The following MACROD2 variants were observed in gnomAD, a reference collection of about 807,000 sequenced individuals.
The protein encoded by MACROD2 is ADP-ribose glycohydrolase MACROD2.
In MACROD2, 36 loss-of-function variants were observed where a neutral mutation model predicts 70.4. That is an observed-to-expected ratio of 0.51 (90% CI 0.39 to 0.68). MACROD2 has a LOEUF of 0.68. MACROD2 is among the 30% of genes least tolerant of loss of function. The pLI, the probability that MACROD2 is intolerant of heterozygous loss-of-function variation, is 0.00. For synonymous variants in MACROD2, 172 were observed against 178.8 expected (o/e 0.96, Z 0.30); for missense variants, 496 against 538.4 (o/e 0.92, Z 0.78).
At chr20:15,277,512 A>G (rs760819293) in intron 6 of MACROD2, among the ~76,000 whole-genome samples, 4 of 152,218 alleles carry the variant, frequency 2.6e-5, no homozygotes, top group African/African-American at 4.8e-5. Flanking sequence ...GTGTTTCTCA[A>G]ACTTAATGTT....
At chr20:15,199,852 A>G (rs1017937900) in intron 5 of MACROD2, among the ~76,000 whole-genome samples, 13 of 152,168 alleles carry the variant, frequency 8.5e-5, no homozygotes, top group Non-Finnish European at 1.5e-5. Context: ...GGCATCCTCT[A>G]AGCATTTGGT....
At chr20:15,570,583 C>T (rs2048364622) in intron 8 of MACROD2, among the ~76,000 whole-genome samples, 1 of 152,176 alleles carries the variant, frequency 6.6e-6, no homozygotes. Context: ...TTGGATTCAG[C>T]ACTCAAAACA....
chr20:15,822,202 C>G (rs1351749574), intron 8 of MACROD2, among the ~76,000 whole-genome samples: 1 of 152,144 alleles, frequency 6.6e-6, no homozygotes, highest in African/African-American at 2.4e-5. Context: ...CAAAGTCCAG[C>G]AGGGAAAATA....
chr20:14,789,255 G>A (rs1033548867), intron 5 of MACROD2, among the ~76,000 whole-genome samples: 1 of 151,706 alleles, frequency 6.6e-6, no homozygotes, highest in Non-Finnish European at 1.5e-5. Flanking sequence ...TTTGCCATAT[G>A]TGTATGATAT....
At chr20:14,202,609 A>T (rs1222165434) in intron 3 of MACROD2, among the ~76,000 whole-genome samples, 2 of 152,218 alleles carry the variant, frequency 1.3e-5, no homozygotes, top group African/African-American at 4.8e-5. Context: ...GGGAGGCAGA[A>T]CCTCTAAATC....
chr20:15,314,421 T>A (rs2077787170), intron 6 of MACROD2, among the ~76,000 whole-genome samples: 1 of 152,184 alleles, frequency 6.6e-6, no homozygotes, highest in South Asian at 2.1e-4. Flanking sequence ...CAAGACACCA[T>A]CTTTACTTAA....
At chr20:15,434,250 G>A (rs113632553) in intron 7 of MACROD2, among the ~76,000 whole-genome samples, 1,588 of 151,944 alleles carry the variant, frequency 0.01, 27 homozygotes, top group African/African-American at 0.036. Flanking sequence ...AATCCACAGA[G>A]TGGGAGAAAA....
intron 5 of MACROD2, chr20:14,884,126 G>C (rs1488444135): frequency 6.6e-6 from 1 of 152,064 alleles, no homozygotes; most frequent in Non-Finnish European, 1.5e-5. Flanking sequence ...GGAATAATTA[G>C]GCAACCACAA....
chr20:15,481,803 T>G (rs962602944), intron 7 of MACROD2, among the ~76,000 whole-genome samples: 2 of 152,194 alleles, frequency 1.3e-5, no homozygotes, highest in African/African-American at 4.8e-5. Context: ...AAGGTGACTA[T>G]GCAGAAATAA....
At chr20:15,654,516 A>T (rs966080690) in intron 8 of MACROD2, among the ~76,000 whole-genome samples, 1 of 152,170 alleles carries the variant, frequency 6.6e-6, no homozygotes, top group Non-Finnish European at 1.5e-5. Context: ...CAAAGTAGAT[A>T]TCTCTCCCTC....
chr20:14,789,471 T>C (rs1308358671), intron 5 of MACROD2, among the ~76,000 whole-genome samples: 3 of 118,088 alleles, frequency 2.5e-5, no homozygotes, highest in Non-Finnish European at 5.3e-5. Flanking sequence ...TTTTTTTTTT[T>C]TTTTTTTTTT....
chr20:15,477,055 A>G (rs552957441), intron 7 of MACROD2, among the ~76,000 whole-genome samples: 22 of 145,346 alleles, frequency 1.5e-4, no homozygotes, highest in Admixed American at 1.1e-3. Context: ...CTGAATTTCT[A>G]TAGTGTTTTT....
At chr20:15,853,639 G>C (rs1307914747) in intron 8 of MACROD2, among the ~76,000 whole-genome samples, 1 of 152,128 alleles carries the variant, frequency 6.6e-6, no homozygotes, top group African/African-American at 2.4e-5. Context: ...CAACCAGCAA[G>C]GAAATGAAGA....
At chr20:14,400,967 TATC>T (rs2083631677) in intron 3 of MACROD2, among the ~76,000 whole-genome samples, 1 of 152,198 alleles carries the variant, frequency 6.6e-6, no homozygotes, top group African/African-American at 2.4e-5. Flanking sequence ...TGCTATAGAC[TATC>T]ATCATTACAG....
intron 3 of MACROD2, among the ~76,000 whole-genome samples, chr20:14,460,458 G>C (rs558781870): frequency 2.0e-5 from 3 of 152,146 alleles, no homozygotes; most frequent in African/African-American, 7.2e-5. Context: ...ATTTTGATTT[G>C]CATTTCTCTA....
intron 8 of MACROD2, among the ~76,000 whole-genome samples, chr20:15,506,773 A>C (rs965973000): frequency 1.3e-5 from 2 of 152,242 alleles, no homozygotes; most frequent in South Asian, 4.1e-4. Flanking sequence ...CAAAAGGCAT[A>C]ATGTGCCATC....
intron 5 of MACROD2, among the ~76,000 whole-genome samples, chr20:14,862,972 C>T (rs2073388384): frequency 1.3e-5 from 2 of 151,592 alleles, no homozygotes; most frequent in South Asian, 2.1e-4. Flanking sequence ...CCTCCTTTCA[C>T]ACAGAAGATG....
chr20:14,722,375 C>T (rs2071480095), intron 5 of MACROD2, among the ~76,000 whole-genome samples: 1 of 152,062 alleles, frequency 6.6e-6, no homozygotes, highest in East Asian at 1.9e-4. Flanking sequence ...GATGGAGCCT[C>T]CAGTAGTATT....
chr20:15,914,946 A>C (rs117582500), intron 10 of MACROD2, among the ~76,000 whole-genome samples: 1 of 6,430 alleles, frequency 1.6e-4, no homozygotes, highest in Non-Finnish European at 2.0e-3. Flanking sequence ...ATTACAAAGG[A>C]TGTTGGAAAG....
Sources: gnomAD v4.1 joint callset for allele counts (sites outside exome capture counted in the v4.1 genomes callset) on GRCh38, gnomAD v4.1.1 for gene constraint, MANE v1.5 for transcripts, NCBI Gene and HGNC (gene_info 2026-07-23, HGNC 2026-07-21) for gene names.